SGPP2: variants seen among roughly 807,000 people sequenced by gnomAD.
SGPP2 encodes sphingosine-1-phosphate phosphatase 2, also known as sphingosine 1-phosphate phosphohydrolase 2.
Under a neutral mutation model 33.9 loss-of-function variants are expected in SGPP2, and 30 were observed. The ratio of observed to expected loss-of-function variants is 0.89; its 90% CI spans 0.66 to 1.20. SGPP2 has a LOEUF of 1.20. Among genes scored for constraint, SGPP2 ranks in the 50% most tolerant of loss-of-function variants. SGPP2 has a pLI of 0.00. For missense variants in SGPP2, 458 were observed against 532.1 expected, an observed-to-expected ratio of 0.86 and a Z score of 1.37; for synonymous variants, 233 against 225.0, an observed-to-expected ratio of 1.04 and a Z score of -0.32.
rs890849534 is a variant in SGPP2 at position 222,550,031 on chromosome 2, C to G, written c.649-8316C>G. Among the ~76,000 whole-genome samples, 7 of 152,050 alleles carry G rather than the reference C, an allele frequency of 4.6e-5. No homozygotes were observed. The highest frequency in any genetic ancestry group is 2.1e-4 in the South Asian group (1 of 4,818). On this transcript the variant is annotated intron_variant, in intron 4 of 4. Transcript: ENST00000321276. The surrounding 1 kb of genome is among the most constrained non-coding windows in gnomAD (Gnocchi z 4.5). Reference sequence around the variant, plus strand: ...AGCTGGAACTACAGGCACGCGCCACCACGTCTGGTTAATTTTTTTGTATTT... The same window carrying G: ...AGCTGGAACTACAGGCACGCGCCACGACGTCTGGTTAATTTTTTTGTATTT...
In SGPP2 at chr2:222,475,092, T is replaced by C. The variant is rs539457774; in HGVS notation, c.378+366T>C. 4.7e-4 allele frequency among the ~76,000 whole-genome samples: 72 copies of C among 152,264 alleles called. 3 individuals are homozygous for C. The East Asian group carries it at 8.3e-3, about 18-fold the overall frequency. On this transcript the variant is annotated intron_variant, in intron 2 of 4. Transcript: ENST00000321276. ...GACCAGTTTTAGGGAGGGACAATTATCATCCTTGCTTCAAAGTTAAACTAA... is the reference window on the plus strand; with the variant it reads ...GACCAGTTTTAGGGAGGGACAATTACCATCCTTGCTTCAAAGTTAAACTAA...
chr2:222,487,001 C>G (rs1438657222), intron 2 of SGPP2, among the ~76,000 whole-genome samples: 4 of 152,170 alleles, frequency 2.6e-5, no homozygotes, highest in Non-Finnish European at 5.9e-5. Context: ...TTCCATCGCT[C>G]TCTCTGTCCT....
At position 222,544,450 on chromosome 2, in the gene SGPP2, A is replaced by G. The variant is rs147362263; in HGVS notation, c.649-13897A>G. Among the ~76,000 whole-genome samples, 542 of 152,318 alleles carry G rather than the reference A, an allele frequency of 3.6e-3. 1 individual carries two copies. Among genetic ancestry groups the G allele is most frequent in the African/African-American group, 0.012 (510 of 41,580 alleles). ...TGGGAGACTGGTTCCACAACTCTCC[A>G]TGGTTATGAAAATCCACAGATGTTC... On this transcript the variant is annotated intron_variant, in intron 4 of 4. Coordinates refer to ENST00000321276, the MANE Select transcript of SGPP2 (RefSeq NM_152386.4).
At chr2:222,443,012 G>T (rs1697349127) in intron 1 of SGPP2, among the ~76,000 whole-genome samples, 1 of 152,078 alleles carries the variant, frequency 6.6e-6, no homozygotes, top group South Asian at 2.1e-4. Context: ...TGTCACATTT[G>T]CTTGTAGTGA....
intron 4 of SGPP2, among the ~76,000 whole-genome samples, chr2:222,555,140 C>G (rs1344700173): frequency 1.3e-5 from 2 of 152,136 alleles, no homozygotes; most frequent in Non-Finnish European, 2.9e-5. Flanking sequence ...TTCTTCAGTT[C>G]AGCATAATTT....
intron 4 of SGPP2, among the ~76,000 whole-genome samples, chr2:222,531,667 A>G (rs1698840935): frequency 6.6e-6 from 1 of 152,194 alleles, no homozygotes; most frequent in African/African-American, 2.4e-5. Context: ...AAAATAGTTA[A>G]GGTGGTGAAT....
In SGPP2 at chr2:222,486,809, C is replaced by T. The variant is rs558599622; in HGVS notation, c.378+12083C>T. 7.9e-4 allele frequency among the ~76,000 whole-genome samples: 120 copies of T among 152,264 alleles called. 1 individual carries two copies. The highest frequency in any genetic ancestry group is 2.8e-3 in the African/African-American group (118 of 41,534). ...TATGAACTTCTGTACTCTGCTCTAA[C>T]CTTTTCCCTTAATTATGGTATATAT... On this transcript the variant is annotated intron_variant, in intron 2 of 4. Transcript: ENST00000321276.
intron 2 of SGPP2, among the ~76,000 whole-genome samples, chr2:222,513,508 G>A (rs944927693): frequency 1.3e-5 from 2 of 152,048 alleles, no homozygotes; most frequent in African/African-American, 4.8e-5. Context: ...TTAAGTAGTG[G>A]CCTCCAAAAA....
chr2:222,516,562 G>A (rs1698606957), intron 2 of SGPP2, among the ~76,000 whole-genome samples: 1 of 152,196 alleles, frequency 6.6e-6, no homozygotes, highest in African/African-American at 2.4e-5. Context: ...TGGATCATAT[G>A]ATAAGTATAT....
At chr2:222,543,634 T>C (rs1689123841) in intron 4 of SGPP2, among the ~76,000 whole-genome samples, 1 of 152,228 alleles carries the variant, frequency 6.6e-6, no homozygotes, top group South Asian at 2.1e-4. Flanking sequence ...ATTTTTGGAC[T>C]ACAGTTGATC....
intron 2 of SGPP2, among the ~76,000 whole-genome samples, chr2:222,492,340 A>G (rs1698209678): frequency 6.6e-6 from 1 of 152,268 alleles, no homozygotes; most frequent in African/African-American, 2.4e-5. Flanking sequence ...TCTAAAATCT[A>G]GATGGGTGTT....
At chr2:222,488,117 C>T (rs1698140147) in intron 2 of SGPP2, among the ~76,000 whole-genome samples, 2 of 152,232 alleles carry the variant, frequency 1.3e-5, no homozygotes, top group Non-Finnish European at 2.9e-5. Context: ...CCTGTAAAAT[C>T]TCTCCTTGGT....
At chr2:222,452,030 C>CT (rs68005172) in intron 1 of SGPP2, among the ~76,000 whole-genome samples, 115,315 of 151,048 alleles carry the variant, frequency 0.76, 44,130 homozygotes, top group Middle Eastern at 0.88. Context: ...AATAGATTTT[C>CT]TTTTTTTTTC....
intron 1 of SGPP2, among the ~76,000 whole-genome samples, chr2:222,456,253 T>C (rs922046336): frequency 2.0e-5 from 3 of 152,176 alleles, no homozygotes; most frequent in Non-Finnish European, 2.9e-5. Flanking sequence ...AAAACTTGGC[T>C]GGGATGATGG....
intron 4 of SGPP2, among the ~76,000 whole-genome samples, chr2:222,535,134 T>A (rs1249321926): frequency 2.0e-5 from 3 of 147,688 alleles, no homozygotes; most frequent in African/African-American, 7.6e-5. Context: ...CCCAGCACTT[T>A]GGGAGGCAAA....
At position 222,424,608 on chromosome 2, in the gene SGPP2, C is replaced by A; in HGVS notation, c.6C>A (p.Ala2=). Residue 2 remains alanine (A), a synonymous_variant, in exon 1 of 5, where the codon GCC becomes GCA. Coordinates refer to ENST00000321276, the MANE Select transcript of SGPP2 (RefSeq NM_152386.4). The stretch of plus-strand genomic sequence containing the variant: ...AGCGCGGCCCCGGGCACACCATGGC[C>A]GAGCTGCTGCGGAGCCTGCAGGATT... The part of the protein sequence containing the change: M[A]ELLRSLQDSQ... 7.4e-7 allele frequency: 1 copy of A among 1,349,188 alleles called. No individual in the cohort carries two copies. The highest frequency in any genetic ancestry group is 1.5e-5 in the African/African-American group (1 of 66,198). 83.6% of individuals were successfully genotyped at this position (1,349,188 alleles called of 1,614,324 possible). A position where few individuals can be genotyped will look rare whatever the true frequency, so the allele number is the denominator to read the frequency against.
intron 4 of SGPP2, among the ~76,000 whole-genome samples, chr2:222,542,881 C>T (rs1699018944): frequency 6.6e-6 from 1 of 151,746 alleles, no homozygotes; most frequent in African/African-American, 2.4e-5. Flanking sequence ...CCTTGACCTC[C>T]CTGCTTCAAG....
chr2:222,438,488 G>A (rs747932034), intron 1 of SGPP2, among the ~76,000 whole-genome samples: 1 of 152,238 alleles, frequency 6.6e-6, no homozygotes, highest in Non-Finnish European at 1.5e-5. Flanking sequence ...GGACAGTAAA[G>A]GTATATTGCT....
At chr2:222,533,319 A>T (rs866934402) in intron 4 of SGPP2, among the ~76,000 whole-genome samples, 2 of 152,128 alleles carry the variant, frequency 1.3e-5, no homozygotes, top group Admixed American at 1.3e-4. Context: ...CCTCCCTCAG[A>T]TCAAAACTCT....
Sources: allele counts gnomAD v4.1 joint callset (sites outside exome capture counted in the v4.1 genomes callset), GRCh38; gene constraint gnomAD v4.1.1; non-coding constraint Gnocchi (gnomAD v3.1); transcripts MANE v1.5; gene names NCBI Gene and HGNC (gene_info 2026-07-23, HGNC 2026-07-21).